Variants in ASPM observed in about 807,000 individuals in gnomAD.
The protein encoded by ASPM is abnormal spindle-like microcephaly-associated protein.
A neutral mutation model predicts 366.4 loss-of-function variants in ASPM; 256 were observed. The observed-to-expected ratio is 0.70, with a 90% CI of 0.63 to 0.77. The LOEUF (loss-of-function observed/expected upper bound fraction) is 0.77, where lower values mean the gene tolerates loss of function less well. ASPM is among the 30% of genes least tolerant of loss of function. The pLI is 0.00. For synonymous variants in ASPM, 1,414 were observed against 1,342.9 expected, an observed-to-expected ratio of 1.05 and a Z score of -1.16; for missense variants, 4,146 against 4,090.4, an observed-to-expected ratio of 1.01 and a Z score of -0.37.
Position 197,090,068 on chromosome 1 carries a change from C to T in ASPM, c.9846G>A (p.Leu3282=). 6.2e-7 allele frequency: 1 copy of T among 1,612,506 alleles called. No individual in the cohort carries two copies. Among genetic ancestry groups the T allele is most frequent in the Non-Finnish European group, 8.5e-7 (1 of 1,179,364 alleles). The change falls in exon 25 of 28, where the codon TTG becomes TTA. Residue 3282 remains leucine, a synonymous_variant. Transcript: ENST00000367409. The part of the protein sequence containing the change: ...ALKHLEVVTR[L]SPLCCENMAQ... ...CCATGTTCTCACAACAAAGTGGAGACAATCTAGTAACTACCTCTGAAAGAA... is the reference window on the plus strand; with the variant it reads ...CCATGTTCTCACAACAAAGTGGAGATAATCTAGTAACTACCTCTGAAAGAA...
At position 197,103,619 on chromosome 1, in the gene ASPM, C is replaced by T; in HGVS notation, c.5632G>A (p.Val1878Met). 1 of 1,612,862 alleles carries T rather than the reference C, an allele frequency of 6.2e-7. No homozygotes were observed. The highest frequency in any genetic ancestry group is 8.5e-7 in the Non-Finnish European group (1 of 1,179,426). The change falls in exon 18 of 28, where the codon GTG becomes ATG. Residue 1878 changes from valine (V) to methionine (M), a missense_variant. Transcript: ENST00000367409. ...RTHFLKTKAA[V>M]ISLQSAYRGW... ...CGATAAGCAGACTGGAGGGAAATCA[C>T]AGCTGCCTTTGTCTTCAAAAAATGT...
chr1:197,129,998 A>G lies in ASPM; in HGVS notation c.2546T>C (p.Met849Thr), dbSNP rs555969396. The G allele has an allele frequency of 4.0e-5, 65 of 1,614,034 alleles. No individual in the cohort carries two copies. In the South Asian group the frequency reaches 6.8e-4, roughly 17 times the overall value. ...EDNSDVTGLA[M>T]FILNRLLWNP... ...CCAAAGTAGGCGATTCAGAATAAAC[A>G]TAGCCAACCCTGTGACATCACTGTT... The change falls in exon 8 of 28, where the codon ATG becomes ACG. Residue 849 changes from methionine (M) to threonine (T), a missense_variant. By Grantham distance (81) the Met-to-Thr change is moderately conservative (BLOSUM62 -1). Transcript: ENST00000367409.
rs560267329 is a variant in ASPM at position 197,117,231 on chromosome 1, C to T, written c.4065+558G>A. On this transcript the variant is annotated intron_variant, in intron 17 of 27. Coordinates refer to ENST00000367409, the MANE Select transcript of ASPM (RefSeq NM_018136.5). ...TTATAAATAGTAAATTTAAATAATG[C>T]ACATCTCTCATGTCATTAAAATATA... Among the ~76,000 whole-genome samples the T allele has an allele frequency of 5.9e-5, 9 of 151,926 alleles. No homozygotes were observed. In the East Asian group the frequency reaches 1.5e-3, roughly 26 times the overall value.
intron 17 of ASPM, among the ~76,000 whole-genome samples, chr1:197,111,885 A>G (rs1334696418): frequency 6.6e-6 from 1 of 152,186 alleles, no homozygotes; most frequent in East Asian, 1.9e-4. Context: ...GGTTGTAGAG[A>G]AAAAGGAATG....
At chr1:197,097,464 GTC>G (rs1657015968) in intron 18 of ASPM, among the ~76,000 whole-genome samples, 2 of 151,474 alleles carry the variant, frequency 1.3e-5, no homozygotes, top group Non-Finnish European at 3.0e-5. Context: ...AAATCCCTCG[GTC>G]TCTCTGATTC....
intron 22 of ASPM, 63 bp downstream of exon 22, chr1:197,091,844 C>T: frequency 6.5e-7 from 1 of 1,527,832 alleles, no homozygotes; most frequent in East Asian, 2.3e-5. Context: ...TTGTTTATTA[C>T]ATATCAAAAA....
intron 17 of ASPM, among the ~76,000 whole-genome samples, chr1:197,109,594 A>C (rs1657525521): frequency 6.6e-6 from 1 of 152,076 alleles, no homozygotes; most frequent in African/African-American, 2.4e-5. Flanking sequence ...TTAGCATCAT[A>C]CTGGAATTCT....
In ASPM at chr1:197,084,418, G is replaced by C; in HGVS notation, c.10340C>G (p.Pro3447Arg). 1 of 1,603,692 alleles carries C rather than the reference G, an allele frequency of 6.2e-7. No homozygotes were observed. Among genetic ancestry groups the C allele is most frequent in the Non-Finnish European group, 8.5e-7 (1 of 1,174,988 alleles). The change falls in exon 28 of 28, where the codon CCA becomes CGA. Residue 3447 changes from proline (P) to arginine (R), a missense_variant. This residue lies in a region of ASPM where 3,624 missense variants were observed against 3,591.7 expected (regional missense o/e 1.01). Coordinates refer to ENST00000367409, the MANE Select transcript of ASPM (RefSeq NM_018136.5). ...GTTATCTCTTCTCAAAACCCAATCTGGCTTAAGTCTGTTAAAAAAAAAAAA... is the reference window on the plus strand; with the variant it reads ...GTTATCTCTTCTCAAAACCCAATCTCGCTTAAGTCTGTTAAAAAAAAAAAA... ...VRTRIVSRLK[P>R]DWVLRRDNME... is the part of the protein sequence containing the mutation.
chr1:197,129,829 G>T, intron 8 of ASPM, 86 bp downstream of exon 8: 1 of 1,511,570 alleles, frequency 6.6e-7, no homozygotes, highest in Non-Finnish European at 9.1e-7. Context: ...CTTTGAGAAA[G>T]GAAAATGTAA....
In ASPM at chr1:197,102,858, CT is replaced by C. The variant is rs1341651837; in HGVS notation, c.6392del (p.Gln2131ArgfsTer4). 1 of 1,612,534 alleles carries C rather than the reference CT, an allele frequency of 6.2e-7. No individual in the cohort carries two copies. Among genetic ancestry groups the C allele is most frequent in the Non-Finnish European group, 8.5e-7 (1 of 1,179,252 alleles). On this transcript the variant is annotated frameshift_variant, in exon 18 of 28. Transcript: ENST00000367409. LOFTEE classifies it high-confidence loss of function. ...TCATTGTATGGTAACTTATTCTTGA[CT>C]GATGCATTTTAAACATGGCTTTAAT... ...TFIKAMFKMHQSRISYHTMRK... is the reference protein window; with the variant it reads ...TFIKAMFKMHXSRISYHTMRK...
chr1:197,145,563 C>T (rs932302007), intron 1 of ASPM, among the ~76,000 whole-genome samples: 36 of 151,814 alleles, frequency 2.4e-4, no homozygotes, highest in South Asian at 6.2e-4. Context: ...TCTAAGGGTA[C>T]ATATGGAAAC....
intron 16 of ASPM, among the ~76,000 whole-genome samples, chr1:197,118,778 T>C (rs1657818158): frequency 6.6e-6 from 1 of 152,180 alleles, no homozygotes; most frequent in South Asian, 2.1e-4. Context: ...TGTTAGTTTA[T>C]TGGTAATATA....
At position 197,104,753 on chromosome 1, in the gene ASPM, A is replaced by T; in HGVS notation, c.4498T>A (p.Cys1500Ser). ...CVVIIQKRFR[C>S]FQAQKLYKRR... The stretch of plus-strand genomic sequence containing the variant: ...TTATATAACTTTTGGGCTTGAAAGC[A>T]CCGAAATCTTTTCTGAATGATAACA... Residue 1500 changes from cysteine to serine, a missense_variant, in exon 18 of 28, where the codon TGC (cysteine) becomes AGC (serine). Cys to Ser is a moderately radical substitution (Grantham distance 112). This residue lies in a region of ASPM where 3,624 missense variants were observed against 3,591.7 expected (regional missense o/e 1.01). Coordinates refer to ENST00000367409, the MANE Select transcript of ASPM (RefSeq NM_018136.5). 1.2e-6 allele frequency: 2 copies of T among 1,600,916 alleles called. No homozygotes were observed. Among genetic ancestry groups the T allele is most frequent in the Non-Finnish European group, 1.7e-6 (2 of 1,175,236 alleles).
intron 12 of ASPM, 58 bp from the exon 13 acceptor site, chr1:197,124,389 C>T: frequency 1.6e-6 from 2 of 1,230,056 alleles, no homozygotes; most frequent in Non-Finnish European, 1.2e-6. Flanking sequence ...TTATTTTTAA[C>T]CCACAGAAAT....
At chr1:197,099,818 T>C (rs1388278348) in intron 18 of ASPM, among the ~76,000 whole-genome samples, 1 of 151,784 alleles carries the variant, frequency 6.6e-6, no homozygotes, top group Non-Finnish European at 1.5e-5. Context: ...GCTGAAGTAC[T>C]TAGATTCAGT....
intron 27 of ASPM, among the ~76,000 whole-genome samples, chr1:197,085,568 T>C (rs370740147): frequency 2.0e-5 from 3 of 152,140 alleles, no homozygotes; most frequent in Non-Finnish European, 2.9e-5. Context: ...TACTAAGTGA[T>C]AGAAAGGAAT....
Position 197,128,588 on chromosome 1 carries a change from T to A in ASPM, c.2838A>T (p.Leu946Phe), listed in dbSNP as rs1658162301. 1 of 1,613,632 alleles carries A rather than the reference T, an allele frequency of 6.2e-7. No individual in the cohort carries two copies. Among genetic ancestry groups the A allele is most frequent in the Admixed American group, 1.7e-5 (1 of 59,970 alleles). Residue 946 changes from leucine (L) to phenylalanine (F), a missense_variant, in exon 10 of 28, where the codon TTA (leucine) becomes TTT (phenylalanine). Coordinates refer to ENST00000367409, the MANE Select transcript of ASPM (RefSeq NM_018136.5). ...GAACATGGTTAACAGGTAATCCCAA[T>A]AAGCCAAGGTGACGGGAAAGGTCAC... is the stretch of plus-strand genomic sequence containing the variant. Reference protein sequence around the residue: ...GEGDLSRHLGLLGLPVNHVQT... With the variant: ...GEGDLSRHLGFLGLPVNHVQT...
chr1:197,102,726 T>C lies in ASPM; in HGVS notation c.6525A>G (p.Ala2175=). The change falls in exon 18 of 28, where the codon GCA becomes GCG. Residue 2175 remains alanine (A), a synonymous_variant. Coordinates refer to ENST00000367409, the MANE Select transcript of ASPM (RefSeq NM_018136.5). ...GTCTAACTCTTACTCCTCTAAAACT[T>C]GCCTGAAGGACTTTAACAGCTTTCA... is the stretch of plus-strand genomic sequence containing the variant. ...TILKAVKVLQ[A]SFRGVRVRRT... 1 of 1,612,708 alleles carries C rather than the reference T, an allele frequency of 6.2e-7. No homozygotes were observed. Among genetic ancestry groups the C allele is most frequent in the Non-Finnish European group, 8.5e-7 (1 of 1,179,266 alleles).
rs1246832077 is a variant in ASPM at position 197,146,364 on chromosome 1, C to T, written c.74G>A (p.Arg25Gln). ...PTERRPPAGLRGPAAEEEASS... is the reference protein window; with the variant it reads ...PTERRPPAGLQGPAAEEEASS... ...CGCCTCCTCCTCGGCCGCGGGGCCC[C>T]GCAGCCCCGCGGGCGGCCTCCGCTC... The change falls in exon 1 of 28, where the codon CGG (arginine) becomes CAG (glutamine). Residue 25 changes from arginine to glutamine, a missense_variant. Transcript: ENST00000367409. The T allele has an allele frequency of 1.2e-6, 2 of 1,608,852 alleles. No homozygotes were observed. The highest frequency in any genetic ancestry group is 1.7e-5 in the Admixed American group (1 of 59,794).
Sources: gnomAD v4.1 joint callset for allele counts (sites outside exome capture counted in the v4.1 genomes callset) on GRCh38, gnomAD v4.1.1 for gene constraint, gnomAD v4.1.1 regional missense constraint, MANE v1.5 for transcripts, NCBI Gene and HGNC (gene_info 2026-07-23, HGNC 2026-07-21) for gene names.